Variants in IFT57 observed in about 807,000 individuals in gnomAD.
The protein encoded by IFT57 is intraflagellar transport protein 57 homolog.
A neutral mutation model predicts 56.8 loss-of-function variants in IFT57; 59 were observed. That is an observed-to-expected ratio of 1.04 (90% CI 0.84 to 1.29). The LOEUF (loss-of-function observed/expected upper bound fraction) is 1.29, where lower values mean the gene tolerates loss of function less well. Among genes scored for constraint, IFT57 ranks in the 50% most tolerant of loss-of-function variants. The probability of loss-of-function intolerance (pLI) is 0.00; values close to 1 mark genes in which losing one functional copy is unlikely to be tolerated. For missense variants in IFT57, 470 were observed against 522.1 expected (o/e 0.90, Z 0.97); for synonymous variants, 209 against 186.1 (o/e 1.12, Z -1.00).
chr3:108,191,596 T>G lies in IFT57; in HGVS notation c.702A>C (p.Thr234=), dbSNP rs780363078. 9 of 1,609,330 alleles carry G rather than the reference T, an allele frequency of 5.6e-6. No individual in the cohort carries two copies. The East Asian group carries it at 2.0e-4, about 36-fold the overall frequency. The change falls in exon 6 of 11, where the codon ACA becomes ACC. Residue 234 remains threonine, a synonymous_variant. Coordinates refer to ENST00000264538, the MANE Select transcript of IFT57 (RefSeq NM_018010.4). ...CTTCTAGGCTCCATTCTGCAGCATC[T>G]GTTGTGGATTCCAAAATATCTTCTT... ...AKQEDILEST[T]DAAEWSLEVE... is the part of the protein sequence containing the mutation.
intron 6 of IFT57, among the ~76,000 whole-genome samples, chr3:108,184,885 AC>A (rs1450844548): frequency 6.6e-6 from 1 of 152,088 alleles, no homozygotes; most frequent in Non-Finnish European, 1.5e-5. Context: ...TTTAGCATAA[AC>A]CCTGAATAAC....
chr3:108,185,097 C>T (rs62262416), intron 6 of IFT57, among the ~76,000 whole-genome samples: 19 of 152,134 alleles, frequency 1.2e-4, no homozygotes, highest in African/African-American at 4.6e-4. Flanking sequence ...AGGAAGCCAT[C>T]ACTGCAGCTA....
intron 6 of IFT57, among the ~76,000 whole-genome samples, chr3:108,186,430 G>A (rs926608169): frequency 6.6e-6 from 1 of 152,008 alleles, no homozygotes; most frequent in Non-Finnish European, 1.5e-5. Context: ...ATGATTTGAT[G>A]GAGATAAGTG....
chr3:108,200,293 T>C (rs72933753), intron 5 of IFT57, among the ~76,000 whole-genome samples: 13,908 of 151,920 alleles, frequency 0.092, 701 homozygotes, highest in Middle Eastern at 0.12. Flanking sequence ...TCCAGACAGG[T>C]GATGAAAAGA....
At position 108,184,306 on chromosome 3, in the gene IFT57, C is replaced by T. The variant is rs137990236; in HGVS notation, c.777+7215G>A. Among the ~76,000 whole-genome samples, 34 of 152,216 alleles carry T rather than the reference C, an allele frequency of 2.2e-4. No individual in the cohort carries two copies. The East Asian group carries it at 6.4e-3, about 29-fold the overall frequency. ...AGAAGTGCAGCTGTCCCTTAAACAACACTGGTTTCAACTCCATGGGTCCAC... is the reference window on the plus strand; with the variant it reads ...AGAAGTGCAGCTGTCCCTTAAACAATACTGGTTTCAACTCCATGGGTCCAC... On this transcript the variant is annotated intron_variant, in intron 6 of 10. Coordinates refer to ENST00000264538, the MANE Select transcript of IFT57 (RefSeq NM_018010.4).
rs146579369 is a variant in IFT57 at position 108,200,080 on chromosome 3, G to T, written c.654+6548C>A. 1.5e-4 allele frequency among the ~76,000 whole-genome samples: 23 copies of T among 152,258 alleles called. No individual in the cohort carries two copies. In the East Asian group the frequency reaches 4.0e-3, roughly 27 times the overall value. On this transcript the variant is annotated intron_variant, in intron 5 of 10. Transcript: ENST00000264538. Reference sequence around the variant, plus strand: ...AAATTGCTAAGGGTCTTGAAAGCCAGATCAAAATTTTATTGCTCTACACTC... The same window carrying T: ...AAATTGCTAAGGGTCTTGAAAGCCATATCAAAATTTTATTGCTCTACACTC...
chr3:108,167,087 C>T (rs1004978599), intron 7 of IFT57, 102 bp from the exon 8 acceptor site: 1 of 1,010,248 alleles, frequency 9.9e-7, no homozygotes, highest in Non-Finnish European at 1.4e-6. Flanking sequence ...AAATAATCAA[C>T]TACATGTGCA....
At chr3:108,211,699 T>C (rs2080343283) in intron 4 of IFT57, among the ~76,000 whole-genome samples, 1 of 152,240 alleles carries the variant, frequency 6.6e-6, no homozygotes, top group African/African-American at 2.4e-5. Context: ...ACAATGGTCT[T>C]TTTCCTTCTG....
At chr3:108,218,455 G>T in intron 3 of IFT57, 80 bp downstream of exon 3, 1 of 555,448 alleles carries the variant, frequency 1.8e-6, no homozygotes, top group South Asian at 3.7e-5. Flanking sequence ...ATTCTTTTAT[G>T]TTCAATTGAA....
At chr3:108,178,333 A>G (rs1031311643) in intron 6 of IFT57, among the ~76,000 whole-genome samples, 1 of 151,922 alleles carries the variant, frequency 6.6e-6, no homozygotes. Flanking sequence ...AAAGCTTAAA[A>G]AAGAAAACAG....
At chr3:108,207,130 T>C (rs1001630333) in intron 4 of IFT57, among the ~76,000 whole-genome samples, 6 of 152,232 alleles carry the variant, frequency 3.9e-5, no homozygotes, top group African/African-American at 1.4e-4. Flanking sequence ...ATATTCTCAC[T>C]TTCTCTGACC....
chr3:108,215,851 C>T (rs955795150), intron 3 of IFT57, among the ~76,000 whole-genome samples: 2 of 151,990 alleles, frequency 1.3e-5, no homozygotes, highest in African/African-American at 4.8e-5. Flanking sequence ...ATAAGTTATC[C>T]AAGTCACAGT....
intron 4 of IFT57, 55 bp downstream of exon 4, chr3:108,213,876 G>T: frequency 1.0e-6 from 1 of 989,168 alleles, no homozygotes; most frequent in Non-Finnish European, 1.6e-6. Context: ...GAAATTAAGA[G>T]AATGGGAAGT....
intron 4 of IFT57, among the ~76,000 whole-genome samples, chr3:108,212,298 A>G (rs1019520064): frequency 3.9e-5 from 6 of 152,066 alleles, no homozygotes; most frequent in African/African-American, 1.2e-4. Flanking sequence ...GTTAGTCTCA[A>G]ACTCCTGGCC....
chr3:108,189,142 G>T (rs1256190239), intron 6 of IFT57, among the ~76,000 whole-genome samples: 1 of 152,148 alleles, frequency 6.6e-6, no homozygotes, highest in Non-Finnish European at 1.5e-5. Context: ...AATCAGTGAA[G>T]AAGAAATTCT....
rs751563964 is a variant in IFT57 at position 108,161,213 on chromosome 3, G to C, written c.*1264C>G. On this transcript the variant is annotated 3_prime_UTR_variant, in exon 11 of 11. Transcript: ENST00000264538. ...AAAAATGCTTATTTTCCCATGGTGG[G>C]TTTTCTGCCTTTTTTTTTTTAAACA... 1.7e-5 allele frequency: 2 copies of C among 115,480 alleles called. No homozygotes were observed. The highest frequency in any genetic ancestry group is 6.6e-5 in the African/African-American group (2 of 30,380). The allele number at this position is 115,480 out of a possible 1,614,324, so 7.2% of individuals were successfully genotyped here. A position where few individuals can be genotyped will look rare whatever the true frequency, so the allele number is the denominator to read the frequency against.
intron 5 of IFT57, among the ~76,000 whole-genome samples, chr3:108,201,844 C>T (rs1258506729): frequency 6.6e-6 from 1 of 152,092 alleles, no homozygotes; most frequent in East Asian, 1.9e-4. Context: ...TGCAGTTTTG[C>T]CTAGATGAAA....
chr3:108,211,133 T>C lies in IFT57; in HGVS notation c.585+2798A>G, dbSNP rs186475039. Among the ~76,000 whole-genome samples the C allele has an allele frequency of 3.9e-5, 6 of 152,334 alleles. No homozygotes were observed. In the East Asian group the frequency reaches 1.2e-3, roughly 29 times the overall value. On this transcript the variant is annotated intron_variant, in intron 4 of 10. Coordinates refer to ENST00000264538, the MANE Select transcript of IFT57 (RefSeq NM_018010.4). ...ACACAACAATAAGAAAAATTACACA[T>C]GGTTTCTGCGCTTGCAGATATTTTC... is the stretch of plus-strand genomic sequence containing the variant.
chr3:108,221,122 A>G (rs2080403656), intron 1 of IFT57, among the ~76,000 whole-genome samples: 1 of 152,166 alleles, frequency 6.6e-6, no homozygotes, highest in South Asian at 2.1e-4. Context: ...GGACTAATTT[A>G]ATATGAACAG....
Sources: gnomAD v4.1 joint callset for allele counts (sites outside exome capture counted in the v4.1 genomes callset) on GRCh38, gnomAD v4.1.1 for gene constraint, MANE v1.5 for transcripts, NCBI Gene and HGNC (gene_info 2026-07-23, HGNC 2026-07-21) for gene names.